The following YPEL1 variants were observed in gnomAD, a reference collection of about 807,000 sequenced individuals.
The protein encoded by YPEL1 is yippee like 1, also known as protein yippee-like 1.
In YPEL1, 7 loss-of-function variants were observed where a neutral mutation model predicts 17.3. The observed-to-expected ratio is 0.40, with a 90% CI of 0.23 to 0.76. The LOEUF (loss-of-function observed/expected upper bound fraction) is 0.76. YPEL1 is among the 30% of genes least tolerant of loss of function. The probability of loss-of-function intolerance (pLI) is 0.35; values close to 1 mark genes in which losing one functional copy is unlikely to be tolerated. For synonymous variants in YPEL1, 59 were observed against 59.6 expected, an observed-to-expected ratio of 0.99 and a Z score of 0.05; for missense variants, 91 against 155.5, an observed-to-expected ratio of 0.59 and a Z score of 2.21.
At chr22:21,707,540 A>G (rs1188710471) in intron 2 of YPEL1, among the ~76,000 whole-genome samples, 1 of 152,226 alleles carries the variant, frequency 6.6e-6, no homozygotes, top group Non-Finnish European at 1.5e-5. Flanking sequence ...CTTTTTCCTC[A>G]GCATTCAGGC....
At chr22:21,732,152 G>A (rs540850905) in intron 1 of YPEL1, among the ~76,000 whole-genome samples, 19 of 152,276 alleles carry the variant, frequency 1.2e-4, no homozygotes, top group Middle Eastern at 3.4e-3. Flanking sequence ...CTGTATAGCA[G>A]GTGTAACGTC....
In YPEL1 at chr22:21,699,971, A is replaced by G. The variant is rs1333132909; in HGVS notation, c.*1158T>C. 6.6e-6 allele frequency: 1 copy of G among 152,342 alleles called. No homozygotes were observed. The highest frequency in any genetic ancestry group is 1.5e-5 in the Non-Finnish European group (1 of 68,038). 9.4% of individuals were successfully genotyped at this position (152,342 alleles called of 1,614,324 possible). A position where few individuals can be genotyped will look rare whatever the true frequency, so the allele number is the denominator to read the frequency against. On this transcript the variant is annotated 3_prime_UTR_variant, in exon 5 of 5. Transcript: ENST00000339468. ...AAGGGCTAGCTCACCTGCTTTCTAGATAAGGAATCTACTGGCTTAAATAAA... is the reference window on the plus strand; with the variant it reads ...AAGGGCTAGCTCACCTGCTTTCTAGGTAAGGAATCTACTGGCTTAAATAAA...
rs1012169562 is a variant in YPEL1 at position 21,720,560 on chromosome 22, G to A, written c.-164-9652C>T. Among the ~76,000 whole-genome samples the A allele has an allele frequency of 5.3e-5, 8 of 150,766 alleles. No homozygotes were observed. In the South Asian group the frequency reaches 8.4e-4, roughly 16 times the overall value. ...GGCTGGAGTGCAATGGCATGATTTC[G>A]ACTCACTGCAGCCTCCACCTCCTGG... On this transcript the variant is annotated intron_variant, in intron 1 of 4. Coordinates refer to ENST00000339468, the MANE Select transcript of YPEL1 (RefSeq NM_013313.5).
At chr22:21,724,397 C>A (rs976986223) in intron 1 of YPEL1, among the ~76,000 whole-genome samples, 4 of 151,806 alleles carry the variant, frequency 2.6e-5, no homozygotes, top group East Asian at 3.9e-4. Flanking sequence ...ATTAGCCATG[C>A]GTGGTGGCGG....
intron 1 of YPEL1, among the ~76,000 whole-genome samples, chr22:21,714,314 C>T (rs2068200667): frequency 6.6e-6 from 1 of 152,202 alleles, no homozygotes; most frequent in African/African-American, 2.4e-5. Flanking sequence ...CTTGGTGCCC[C>T]GGCCTGAGAT....
chr22:21,732,588 C>T (rs1430036055), intron 1 of YPEL1, among the ~76,000 whole-genome samples: 1 of 152,082 alleles, frequency 6.6e-6, no homozygotes, highest in Admixed American at 6.6e-5. Context: ...TTGAGGCCAT[C>T]CTGGCCAACC....
intron 1 of YPEL1, among the ~76,000 whole-genome samples, chr22:21,717,376 CAA>C (rs751720152): frequency 2.8e-3 from 171 of 61,470 alleles, no homozygotes; most frequent in Middle Eastern, 0.018. Context: ...TAGTCCGTCT[CAA>C]AAAAAAAAAA....
At chr22:21,714,819 T>A (rs1469468941) in intron 1 of YPEL1, among the ~76,000 whole-genome samples, 2 of 152,194 alleles carry the variant, frequency 1.3e-5, no homozygotes, top group Non-Finnish European at 2.9e-5. Flanking sequence ...AGCATCTCAT[T>A]GTGGCTTTAA....
At chr22:21,711,322 G>C (rs1210401125) in intron 1 of YPEL1, among the ~76,000 whole-genome samples, 1 of 152,208 alleles carries the variant, frequency 6.6e-6, no homozygotes, top group African/African-American at 2.4e-5. Context: ...GTGAAAAAAT[G>C]AACTCCTTTT....
intron 1 of YPEL1, among the ~76,000 whole-genome samples, chr22:21,717,145 C>CG (rs999891495): frequency 2.9e-4 from 20 of 68,782 alleles, no homozygotes; most frequent in Admixed American, 1.7e-3. Context: ...GCTGGGGGGG[C>CG]GGGGGGCGGA....
chr22:21,723,690 A>AT (rs11413513), intron 1 of YPEL1, among the ~76,000 whole-genome samples: 99,241 of 144,664 alleles, frequency 0.69, 34,989 homozygotes, highest in African/African-American at 0.87. Context: ...ATTTTAATTA[A>AT]TTTTTTTTTT....
At chr22:21,727,615 A>C (rs1023753243) in intron 1 of YPEL1, among the ~76,000 whole-genome samples, 1 of 152,240 alleles carries the variant, frequency 6.6e-6, no homozygotes, top group African/African-American at 2.4e-5. Flanking sequence ...AATGTGAATC[A>C]GGCCCATGTC....
intron 1 of YPEL1, among the ~76,000 whole-genome samples, chr22:21,733,983 G>A (rs1045022049): frequency 1.3e-5 from 2 of 152,178 alleles, no homozygotes; most frequent in African/African-American, 4.8e-5. Context: ...AGGAGGCTGA[G>A]GCAGGTGGAT....
chr22:21,706,436 C>CAAAAAAAAA (rs111878891), intron 2 of YPEL1, among the ~76,000 whole-genome samples: 1 of 86,848 alleles, frequency 1.2e-5, no homozygotes, highest in Non-Finnish European at 2.4e-5. Context: ...CTCCGTCTCA[C>CAAAAAAAAA]AAAAAAAAAA....
chr22:21,732,653 G>T (rs1313131991), intron 1 of YPEL1, among the ~76,000 whole-genome samples: 1 of 151,934 alleles, frequency 6.6e-6, no homozygotes, highest in Non-Finnish European at 1.5e-5. Flanking sequence ...GTTGTGGCGG[G>T]TGCCTGTAGT....
At chr22:21,704,471 A>G (rs1782015430) in intron 2 of YPEL1, among the ~76,000 whole-genome samples, 1 of 152,180 alleles carries the variant, frequency 6.6e-6, no homozygotes, top group Non-Finnish European at 1.5e-5. Flanking sequence ...AGCCTGGCCA[A>G]CATGGTGAAA....
chr22:21,731,019 G>A (rs1011491941), intron 1 of YPEL1, among the ~76,000 whole-genome samples: 5 of 151,932 alleles, frequency 3.3e-5, no homozygotes, highest in African/African-American at 1.2e-4. Context: ...TCTACCATTA[G>A]TAACAAAGTT....
At position 21,735,679 on chromosome 22, in the gene YPEL1, G is replaced by C. The variant is rs995426843; in HGVS notation, c.-229C>G. ...CCGGCCCGGGCCCCGGTCAGCGCGG[G>C]CTCGGCTCTCAGGCGTTCCCGGCGC... On this transcript the variant is annotated 5_prime_UTR_variant, in exon 1 of 5. Coordinates refer to ENST00000339468, the MANE Select transcript of YPEL1 (RefSeq NM_013313.5). 8.6e-5 allele frequency: 13 copies of C among 151,008 alleles called. No individual in the cohort carries two copies. The highest frequency in any genetic ancestry group is 1.5e-4 in the Non-Finnish European group (10 of 67,694). 9.4% of individuals were successfully genotyped at this position (151,008 alleles called of 1,614,324 possible).
chr22:21,708,842 T>C (rs971875489), intron 2 of YPEL1, among the ~76,000 whole-genome samples: 2 of 150,196 alleles, frequency 1.3e-5, no homozygotes, highest in African/African-American at 5.0e-5. Context: ...AATTTTGTAT[T>C]TTTTTTAGTA....
Sources: allele counts gnomAD v4.1 joint callset (sites outside exome capture counted in the v4.1 genomes callset), GRCh38; gene constraint gnomAD v4.1.1; transcripts MANE v1.5; gene names NCBI Gene and HGNC (gene_info 2026-07-23, HGNC 2026-07-21).